GPC5: variants seen among roughly 807,000 people sequenced by gnomAD.
The protein encoded by GPC5 is glypican 5.
In GPC5, 47 loss-of-function variants were observed where a neutral mutation model predicts 53.9. The ratio of observed to expected loss-of-function variants is 0.87; its 90% confidence interval spans 0.69 to 1.11. The LOEUF is 1.11. Among genes scored for constraint, GPC5 ranks in the 50% most tolerant of loss-of-function variants. GPC5 has a pLI of 0.00. For missense variants in GPC5, 748 were observed against 713.1 expected (o/e 1.05, Z -0.56); for synonymous variants, 286 against 263.3 (o/e 1.09, Z -0.84).
chr13:92,419,589 A>T (rs1255303927), intron 7 of GPC5, among the ~76,000 whole-genome samples: 3 of 152,198 alleles, frequency 2.0e-5, no homozygotes. Context: ...TATTATATAC[A>T]TAAACTCTCT....
At chr13:92,760,783 T>G (rs1875134452) in intron 7 of GPC5, among the ~76,000 whole-genome samples, 1 of 152,146 alleles carries the variant, frequency 6.6e-6, no homozygotes, top group Admixed American at 6.6e-5. Context: ...TTAATATATT[T>G]GTTGCTATAA....
At chr13:92,282,594 A>C (rs535553598) in intron 7 of GPC5, among the ~76,000 whole-genome samples, 51 of 152,266 alleles carry the variant, frequency 3.3e-4, no homozygotes, top group African/African-American at 1.2e-3. Flanking sequence ...GCCAATATTC[A>C]ACATTCTTAA....
intron 7 of GPC5, among the ~76,000 whole-genome samples, chr13:92,336,087 T>C (rs2043321199): frequency 6.6e-6 from 1 of 152,178 alleles, no homozygotes; most frequent in African/African-American, 2.4e-5. Flanking sequence ...AAATGTTCAT[T>C]GGATGTATAT....
chr13:92,632,235 T>C (rs569813814), intron 7 of GPC5, among the ~76,000 whole-genome samples: 1 of 152,284 alleles, frequency 6.6e-6, no homozygotes, highest in Admixed American at 6.5e-5. Flanking sequence ...AGCCAATGAC[T>C]GAATTCTAAT....
chr13:92,550,904 T>G (rs926311936), intron 7 of GPC5, among the ~76,000 whole-genome samples: 2 of 151,928 alleles, frequency 1.3e-5, no homozygotes, highest in African/African-American at 4.8e-5. Flanking sequence ...TGTTTGTTTA[T>G]TTTTAAGCTC....
intron 7 of GPC5, among the ~76,000 whole-genome samples, chr13:92,728,260 T>C (rs10507995): frequency 0.075 from 11,361 of 151,526 alleles, 597 homozygotes; most frequent in South Asian, 0.16. Context: ...GAGCATATCT[T>C]TTTTGATGAA....
At chr13:92,028,747 A>T (rs540257168) in intron 6 of GPC5, among the ~76,000 whole-genome samples, 4 of 152,296 alleles carry the variant, frequency 2.6e-5, no homozygotes, top group South Asian at 4.1e-4. Flanking sequence ...GGTAAGAATG[A>T]GATAGAGAGG....
At chr13:91,648,473 T>C (rs1351939547) in intron 2 of GPC5, among the ~76,000 whole-genome samples, 1 of 152,160 alleles carries the variant, frequency 6.6e-6, no homozygotes, top group Admixed American at 6.5e-5. Flanking sequence ...TATTTTTTGA[T>C]ATATATAAAT....
intron 7 of GPC5, among the ~76,000 whole-genome samples, chr13:92,296,675 G>C (rs9523618): frequency 0.074 from 11,324 of 152,214 alleles, 572 homozygotes; most frequent in Non-Finnish European, 0.11. Flanking sequence ...GGAGAGGCGC[G>C]AGCGGGAACC....
chr13:92,808,149 C>A (rs943126912), intron 7 of GPC5, among the ~76,000 whole-genome samples: 1 of 139,444 alleles, frequency 7.2e-6, no homozygotes, highest in Non-Finnish European at 1.5e-5. Flanking sequence ...GAAAAATAAA[C>A]AAAACATTTC....
chr13:91,414,333 C>T (rs977776754), intron 1 of GPC5, among the ~76,000 whole-genome samples: 1 of 152,226 alleles, frequency 6.6e-6, no homozygotes, highest in African/African-American at 2.4e-5. Context: ...CCTGCTTCTC[C>T]TTTGCCTTCC....
chr13:91,673,078 TG>T (rs2035287922), intron 2 of GPC5, among the ~76,000 whole-genome samples: 1 of 149,782 alleles, frequency 6.7e-6, no homozygotes, highest in Non-Finnish European at 1.5e-5. Context: ...CAGGGCCTGT[TG>T]GGGGTTAGGG....
intron 2 of GPC5, among the ~76,000 whole-genome samples, chr13:91,525,535 A>G (rs1271309609): frequency 6.6e-6 from 1 of 152,172 alleles, no homozygotes; most frequent in East Asian, 1.9e-4. Context: ...GGAGTTGAGT[A>G]TTAATTTTTA....
At chr13:92,850,924 A>G (rs943150893) in intron 7 of GPC5, among the ~76,000 whole-genome samples, 10 of 152,190 alleles carry the variant, frequency 6.6e-5, no homozygotes, top group Admixed American at 2.6e-4. Flanking sequence ...AATACCTAAG[A>G]CTGCATAACT....
intron 1 of GPC5, among the ~76,000 whole-genome samples, chr13:91,420,015 G>A (rs1198330232): frequency 6.6e-6 from 1 of 152,134 alleles, no homozygotes; most frequent in Non-Finnish European, 1.5e-5. Flanking sequence ...ATTTGGGCCT[G>A]GGTTTATCCC....
intron 7 of GPC5, among the ~76,000 whole-genome samples, chr13:92,282,236 A>G (rs186398517): frequency 4.6e-4 from 70 of 152,332 alleles, no homozygotes; most frequent in Admixed American, 1.2e-3. Context: ...TCCAAGAAAT[A>G]TGGGACTATG....
intron 7 of GPC5, among the ~76,000 whole-genome samples, chr13:92,178,387 G>C (rs2042123266): frequency 6.6e-6 from 1 of 151,330 alleles, no homozygotes; most frequent in Non-Finnish European, 1.5e-5. Context: ...TTGCCTATTA[G>C]TGCCTTCAAC....
At chr13:91,479,363 T>A (rs1370077732) in intron 2 of GPC5, among the ~76,000 whole-genome samples, 1 of 152,100 alleles carries the variant, frequency 6.6e-6, no homozygotes, top group African/African-American at 2.4e-5. Flanking sequence ...AAGAGATGCA[T>A]GTTTGTGGAG....
At chr13:92,270,613 A>G (rs923700616) in intron 7 of GPC5, among the ~76,000 whole-genome samples, 3 of 152,202 alleles carry the variant, frequency 2.0e-5, no homozygotes, top group Non-Finnish European at 4.4e-5. Context: ...AGAGTAATAC[A>G]TATATCTAGA....
Sources: allele counts gnomAD v4.1 joint callset (sites outside exome capture counted in the v4.1 genomes callset), GRCh38; gene constraint gnomAD v4.1.1; transcripts MANE v1.5; gene names NCBI Gene and HGNC (gene_info 2026-07-23, HGNC 2026-07-21).